Variants in IL15 observed in about 807,000 individuals in gnomAD.
IL15 encodes the protein interleukin 15.
A neutral mutation model predicts 19.6 loss-of-function variants in IL15; 11 were observed. The ratio of observed to expected loss-of-function variants is 0.56; its 90% CI spans 0.35 to 0.93. The LOEUF is 0.93. Among genes scored for constraint, IL15 ranks in the 40% least tolerant of loss-of-function variants. The pLI, the probability that IL15 is intolerant of heterozygous loss-of-function variation, is 0.01. For missense variants in IL15, 197 were observed against 186.5 expected, an observed-to-expected ratio of 1.06 and a Z score of -0.33; for synonymous variants, 58 against 59.6, an observed-to-expected ratio of 0.97 and a Z score of 0.12.
At chr4:141,660,577 G>A (rs1481735643) in intron 2 of IL15, among the ~76,000 whole-genome samples, 1 of 152,104 alleles carries the variant, frequency 6.6e-6, no homozygotes, top group Admixed American at 6.5e-5. Context: ...CTGTTAACAC[G>A]GTTATTTTGT....
intron 2 of IL15, among the ~76,000 whole-genome samples, chr4:141,657,541 C>A (rs1275313867): frequency 6.6e-6 from 1 of 151,984 alleles, no homozygotes; most frequent in Admixed American, 6.5e-5. Flanking sequence ...AAAAATGTTT[C>A]TCTTTACATC....
At chr4:141,681,301 AAAAG>A (rs1728524374) in intron 2 of IL15, among the ~76,000 whole-genome samples, 1 of 152,152 alleles carries the variant, frequency 6.6e-6, no homozygotes, top group South Asian at 2.1e-4. Context: ...TAAAAAAAAA[AAAAG>A]AGAGAAGACT....
At chr4:141,689,266 TC>T (rs1429202113) in intron 2 of IL15, among the ~76,000 whole-genome samples, 1 of 152,202 alleles carries the variant, frequency 6.6e-6, no homozygotes, top group African/African-American at 2.4e-5. Flanking sequence ...CACTGCTGGC[TC>T]CGGCAGCCTG....
At chr4:141,682,782 C>A (rs1332255290) in intron 2 of IL15, among the ~76,000 whole-genome samples, 6 of 151,950 alleles carry the variant, frequency 3.9e-5, no homozygotes, top group Non-Finnish European at 1.5e-5. Flanking sequence ...CAGTGAAACC[C>A]GGTCTCTACT....
chr4:141,684,231 G>A (rs1276285522), intron 2 of IL15, among the ~76,000 whole-genome samples: 1 of 151,860 alleles, frequency 6.6e-6, no homozygotes, highest in Non-Finnish European at 1.5e-5. Context: ...TCTGTTAAAA[G>A]ATTGACCACT....
At chr4:141,638,772 A>G (rs1040126714) in intron 1 of IL15, among the ~76,000 whole-genome samples, 1 of 152,242 alleles carries the variant, frequency 6.6e-6, no homozygotes, top group Non-Finnish European at 1.5e-5. Flanking sequence ...CAGGACAGCT[A>G]GAAGAGCAGC....
chr4:141,733,373 A>G lies in IL15; in HGVS notation c.*525A>G, dbSNP rs934520393. On this transcript the variant is annotated 3_prime_UTR_variant, in exon 8 of 8. Transcript: ENST00000320650. ...GTTATCAGTAAGAAAAAGAAGAACT[A>G]TATGTGAATCCTCTTCTTTATACTG... is the stretch of plus-strand genomic sequence containing the variant. 4.6e-5 allele frequency: 7 copies of G among 152,476 alleles called. No homozygotes were observed. Among genetic ancestry groups the G allele is most frequent in the Admixed American group, 4.6e-4 (7 of 15,288 alleles). The allele number at this position is 152,476 out of a possible 1,614,324, so 9.4% of individuals were successfully genotyped here.
chr4:141,700,000 T>A (rs1004522347), intron 2 of IL15, among the ~76,000 whole-genome samples: 2 of 152,060 alleles, frequency 1.3e-5, no homozygotes, highest in Non-Finnish European at 2.9e-5. Flanking sequence ...CTCACTGCAA[T>A]CCCCATCTCC....
chr4:141,680,419 C>T (rs1728496053), intron 2 of IL15, among the ~76,000 whole-genome samples: 1 of 152,182 alleles, frequency 6.6e-6, no homozygotes, highest in Admixed American at 6.5e-5. Flanking sequence ...GTTTGAATAT[C>T]AGAGACTTTT....
chr4:141,720,134 G>A (rs1730023735), intron 3 of IL15, among the ~76,000 whole-genome samples: 1 of 152,018 alleles, frequency 6.6e-6, no homozygotes, highest in Non-Finnish European at 1.5e-5. Flanking sequence ...AAAAAAGAAA[G>A]AAGGATGAGG....
At chr4:141,684,507 G>T (rs1405904722) in intron 2 of IL15, among the ~76,000 whole-genome samples, 1 of 152,120 alleles carries the variant, frequency 6.6e-6, no homozygotes, top group Non-Finnish European at 1.5e-5. Context: ...CCTCCGTTTG[G>T]CTTTGAAGGA....
intron 2 of IL15, among the ~76,000 whole-genome samples, chr4:141,690,025 G>A (rs982125847): frequency 6.6e-6 from 1 of 152,216 alleles, no homozygotes. Flanking sequence ...CTAAGGCCCG[G>A]CGAGAAATCG....
chr4:141,636,818 G>GA (rs1214754719), intron 1 of IL15, 70 bp downstream of exon 1: 1 of 152,388 alleles, frequency 6.6e-6, no homozygotes, highest in Non-Finnish European at 1.5e-5. Flanking sequence ...AATTTTCCCC[G>GA]AAAGCCTACG....
chr4:141,721,082 C>T (rs962468167), intron 4 of IL15: 64 of 1,425,012 alleles, frequency 4.5e-5, no homozygotes, highest in South Asian at 2.0e-4. Flanking sequence ...ACCCAGTTGG[C>T]CCAAAGCACC....
chr4:141,695,639 T>C (rs1004339116), intron 2 of IL15, among the ~76,000 whole-genome samples: 1 of 152,118 alleles, frequency 6.6e-6, no homozygotes, highest in Admixed American at 6.6e-5. Context: ...TTTTAATTGT[T>C]TGAGGAACCT....
intron 2 of IL15, among the ~76,000 whole-genome samples, chr4:141,666,168 T>G (rs565600392): frequency 2.6e-5 from 4 of 152,002 alleles, no homozygotes; most frequent in African/African-American, 9.6e-5. Flanking sequence ...TGGCACGATC[T>G]CGGCTCACTG....
chr4:141,732,725 C>T lies in IL15; in HGVS notation c.379-13C>T, dbSNP rs369940493. 1 of 1,605,510 alleles carries T rather than the reference C, an allele frequency of 6.2e-7. No individual in the cohort carries two copies. Among genetic ancestry groups the T allele is most frequent in the Non-Finnish European group, 8.5e-7 (1 of 1,177,858 alleles). On this transcript the variant is annotated splice_polypyrimidine_tract_variant and intron_variant, in intron 7 of 7. Coordinates refer to ENST00000320650, the MANE Select transcript of IL15 (RefSeq NM_000585.5). ...TATAAATTGCCAATTTAATCTCTCT[C>T]TATATTTTGCAGAATGTAACAGAAT...
At chr4:141,646,278 CT>C (rs761426903) in intron 1 of IL15, among the ~76,000 whole-genome samples, 31 of 152,086 alleles carry the variant, frequency 2.0e-4, no homozygotes, top group Non-Finnish European at 4.1e-4. Flanking sequence ...TATTAAGTCT[CT>C]TAAGTGATTT....
At chr4:141,690,381 G>C (rs1377992348) in intron 2 of IL15, among the ~76,000 whole-genome samples, 1 of 152,156 alleles carries the variant, frequency 6.6e-6, no homozygotes, top group Non-Finnish European at 1.5e-5. Context: ...CGCCGAGAGC[G>C]AGCGAGGGCT....
Sources: allele counts gnomAD v4.1 joint callset (sites outside exome capture counted in the v4.1 genomes callset), GRCh38; gene constraint gnomAD v4.1.1; transcripts MANE v1.5; gene names NCBI Gene and HGNC (gene_info 2026-07-23, HGNC 2026-07-21).